KCTD20: variants seen among roughly 807,000 people sequenced by gnomAD.
KCTD20 encodes potassium channel tetramerization domain containing 20.
A neutral mutation model predicts 39.6 loss-of-function variants in KCTD20; 30 were observed. The observed-to-expected ratio is 0.76, with a 90% CI of 0.57 to 1.03. KCTD20 has a LOEUF of 1.03. Ranked by LOEUF, KCTD20 falls within the 50% of genes least tolerant of loss-of-function variation. The pLI is 0.00. For synonymous variants in KCTD20, 162 were observed against 180.6 expected, an observed-to-expected ratio of 0.90 and a Z score of 0.83; for missense variants, 422 against 522.0, an observed-to-expected ratio of 0.81 and a Z score of 1.87.
Position 36,490,738 on chromosome 6 carries a change from G to A in KCTD20, c.*3563G>A, listed in dbSNP as rs1776562911. On this transcript the variant is annotated 3_prime_UTR_variant, in exon 8 of 8. Transcript: ENST00000373731. ...TGGTCCCAGCCACTCAAGAGGCTGA[G>A]ACAGGATGATTGCTTGAGCCCAGGA... The A allele has an allele frequency of 6.6e-6, 1 of 152,112 alleles. No individual in the cohort carries two copies. The highest frequency in any genetic ancestry group is 2.1e-4 in the South Asian group (1 of 4,822). 9.4% of individuals were successfully genotyped at this position (152,112 alleles called of 1,614,324 possible).
intron 2 of KCTD20, among the ~76,000 whole-genome samples, chr6:36,472,779 A>G (rs1447158063): frequency 6.6e-6 from 1 of 152,182 alleles, no homozygotes; most frequent in African/African-American, 2.4e-5. Flanking sequence ...CTGCCTATTT[A>G]AAAGAACCCT....
chr6:36,457,119 G>C (rs1775460800), intron 1 of KCTD20, among the ~76,000 whole-genome samples: 1 of 152,066 alleles, frequency 6.6e-6, no homozygotes, highest in South Asian at 2.1e-4. Flanking sequence ...TTTTTGGAGA[G>C]ATGGGGGTCT....
chr6:36,464,909 C>T (rs114546790), intron 1 of KCTD20, among the ~76,000 whole-genome samples: 210 of 152,230 alleles, frequency 1.4e-3, no homozygotes, highest in African/African-American at 4.8e-3. Flanking sequence ...AATTCTGTGG[C>T]ATCCTACTTC....
chr6:36,450,217 A>G (rs1022593124), intron 1 of KCTD20, among the ~76,000 whole-genome samples: 1 of 146,674 alleles, frequency 6.8e-6, no homozygotes, highest in Non-Finnish European at 1.5e-5. Context: ...GCCGGGTGCA[A>G]TGGCTCCTGC....
At position 36,455,211 on chromosome 6, in the gene KCTD20, C is replaced by G. The variant is rs193154642; in HGVS notation, c.-47+12100C>G. 5.1e-3 allele frequency among the ~76,000 whole-genome samples: 779 copies of G among 151,692 alleles called. 3 individuals are homozygous for G. Among genetic ancestry groups the G allele is most frequent in the African/African-American group, 0.017 (720 of 41,376 alleles). On this transcript the variant is annotated intron_variant, in intron 1 of 7. Transcript: ENST00000373731. Reference sequence around the variant, plus strand: ...TCACCTGAGGTCAGGAGTTTGAGACCAGCCTGGCCAACACAGTGAAACCCT... The same window carrying G: ...TCACCTGAGGTCAGGAGTTTGAGACGAGCCTGGCCAACACAGTGAAACCCT...
At chr6:36,471,279 A>G (rs1367762699) in intron 2 of KCTD20, among the ~76,000 whole-genome samples, 1 of 152,240 alleles carries the variant, frequency 6.6e-6, no homozygotes. Flanking sequence ...AATAATAGCA[A>G]CTACCATTTA....
At chr6:36,485,095 G>A (rs1042881607) in intron 7 of KCTD20, among the ~76,000 whole-genome samples, 12 of 152,200 alleles carry the variant, frequency 7.9e-5, no homozygotes, top group African/African-American at 2.9e-4. Flanking sequence ...GGGAGATACA[G>A]CAGGGCTTGT....
chr6:36,486,734 G>A, intron 7 of KCTD20, 149 bp from the exon 8 acceptor site: 1 of 696,186 alleles, frequency 1.4e-6, no homozygotes, highest in Non-Finnish European at 2.5e-6. Flanking sequence ...GACTGGGGCT[G>A]GGAAAGCATG....
chr6:36,475,449 CAA>C (rs1195924698), intron 3 of KCTD20, among the ~76,000 whole-genome samples: 5 of 119,926 alleles, frequency 4.2e-5, no homozygotes, highest in Admixed American at 1.7e-4. Context: ...ACTCCCGTCT[CAA>C]AAAAAAAAAA....
intron 1 of KCTD20, among the ~76,000 whole-genome samples, chr6:36,466,052 T>C (rs868846960): frequency 1.3e-5 from 2 of 151,682 alleles, no homozygotes; most frequent in Middle Eastern, 3.2e-3. Context: ...AATTATATTG[T>C]TGTTGAAGTG....
At chr6:36,457,786 T>C (rs1291682914) in intron 1 of KCTD20, among the ~76,000 whole-genome samples, 1 of 152,190 alleles carries the variant, frequency 6.6e-6, no homozygotes, top group Non-Finnish European at 1.5e-5. Flanking sequence ...GTCTTTAATA[T>C]TTAAAGGGTT....
chr6:36,444,498 A>G (rs1012413767), intron 1 of KCTD20, among the ~76,000 whole-genome samples: 5 of 152,316 alleles, frequency 3.3e-5, no homozygotes, highest in African/African-American at 1.2e-4. Context: ...TTCTAGTATC[A>G]TCAGAGCTTA....
Position 36,487,440 on chromosome 6 carries a change from T to G in KCTD20, c.*265T>G. 2 of 440,194 alleles carry G rather than the reference T, an allele frequency of 4.5e-6. No individual in the cohort carries two copies. The highest frequency in any genetic ancestry group is 8.0e-5 in the South Asian group (2 of 24,962). The allele number at this position is 440,194 out of a possible 1,614,324, so 27.3% of individuals were successfully genotyped here. On this transcript the variant is annotated 3_prime_UTR_variant, in exon 8 of 8. Coordinates refer to ENST00000373731, the MANE Select transcript of KCTD20 (RefSeq NM_173562.5). ...GGGTCTGGTGCTGTTCATTGAGTCTTTGTGTAACTGCAAAAGCAGGAAAGG... is the reference window on the plus strand; with the variant it reads ...GGGTCTGGTGCTGTTCATTGAGTCTGTGTGTAACTGCAAAAGCAGGAAAGG...
chr6:36,489,022 A>C lies in KCTD20; in HGVS notation c.*1847A>C, dbSNP rs1341311614. 6.6e-6 allele frequency: 1 copy of C among 152,650 alleles called. No individual in the cohort carries two copies. The highest frequency in any genetic ancestry group is 1.5e-5 in the Non-Finnish European group (1 of 68,050). The allele number at this position is 152,650 out of a possible 1,614,324, so 9.5% of individuals were successfully genotyped here. On this transcript the variant is annotated 3_prime_UTR_variant, in exon 8 of 8. Coordinates refer to ENST00000373731, the MANE Select transcript of KCTD20 (RefSeq NM_173562.5). ...ATTTCTGTGAAACTAATTGGCTCAT[A>C]TTTGAGGTTAGGTGTGGCCTTGACC...
intron 1 of KCTD20, among the ~76,000 whole-genome samples, chr6:36,467,169 G>A (rs879160739): frequency 6.6e-6 from 1 of 150,988 alleles, no homozygotes; most frequent in Non-Finnish European, 1.5e-5. Context: ...TTAGCAGGGC[G>A]TGGTGGTGGG....
At chr6:36,462,824 T>C (rs889300352) in intron 1 of KCTD20, among the ~76,000 whole-genome samples, 2 of 152,162 alleles carry the variant, frequency 1.3e-5, no homozygotes, top group East Asian at 3.8e-4. Flanking sequence ...TTAGTAACCT[T>C]CTCTTATAGC....
In KCTD20 at chr6:36,487,085, G is replaced by A; in HGVS notation, c.1170G>A (p.Glu390=). 6 of 1,614,210 alleles carry A rather than the reference G, an allele frequency of 3.7e-6. No individual in the cohort carries two copies. The highest frequency in any genetic ancestry group is 5.1e-6 in the Non-Finnish European group (6 of 1,180,028). Residue 390 remains glutamate, a synonymous_variant, in exon 8 of 8, where the codon GAG becomes GAA. Coordinates refer to ENST00000373731, the MANE Select transcript of KCTD20 (RefSeq NM_173562.5). ...AAGDDVLEDQ[E]ILMHHPPQVD... is the part of the protein sequence containing the mutation. The stretch of plus-strand genomic sequence containing the variant: ...GAGATGATGTCTTGGAGGACCAGGA[G>A]ATATTAATGCATCACCCACCCCAAG...
rs576306417 is a variant in KCTD20, at chr6:36,459,260, G to A, written c.-46-10792G>A. Among the ~76,000 whole-genome samples the A allele has an allele frequency of 9.9e-4, 150 of 152,252 alleles. 1 individual carries two copies. Among genetic ancestry groups the A allele is most frequent in the African/African-American group, 3.5e-3 (144 of 41,552 alleles). On this transcript the variant is annotated intron_variant, in intron 1 of 7. Coordinates refer to ENST00000373731, the MANE Select transcript of KCTD20 (RefSeq NM_173562.5). ...TCGGAGGCAGAGGTTGTAGTGAGCT[G>A]AGATCATGCCACTGCACTCCAGCCT...
intron 1 of KCTD20, chr6:36,465,621 T>G (rs940637935): frequency 6.6e-6 from 1 of 152,154 alleles, no homozygotes; most frequent in Non-Finnish European, 1.5e-5. Flanking sequence ...TATGTAGAGA[T>G]AATTCCACTA....
Sources: gnomAD v4.1 joint callset for allele counts (sites outside exome capture counted in the v4.1 genomes callset) on GRCh38, gnomAD v4.1.1 for gene constraint, MANE v1.5 for transcripts, NCBI Gene and HGNC (gene_info 2026-07-23, HGNC 2026-07-21) for gene names.